ASPHD2: variants seen among roughly 807,000 people sequenced by gnomAD.
ASPHD2 encodes the protein aspartate beta-hydroxylase domain containing 2.
In ASPHD2, 12 loss-of-function variants were observed where a neutral mutation model predicts 34.6. The ratio of observed to expected loss-of-function variants is 0.35; its 90% CI spans 0.22 to 0.56. The LOEUF is 0.56. Among genes scored for constraint, ASPHD2 ranks in the 20% least tolerant of loss-of-function variants. The probability of loss-of-function intolerance (pLI) is 0.87; values close to 1 mark genes in which losing one functional copy is unlikely to be tolerated. For synonymous variants in ASPHD2, 224 were observed against 212.2 expected, an observed-to-expected ratio of 1.06 and a Z score of -0.48; for missense variants, 375 against 505.0, an observed-to-expected ratio of 0.74 and a Z score of 2.47.
At position 26,443,065 on chromosome 22, in the gene ASPHD2, A is replaced by C. The variant is rs760429140; in HGVS notation, c.1001-32A>C. On this transcript the variant is annotated intron_variant, in intron 3 of 3. Transcript: ENST00000215906. Reference sequence around the variant, plus strand: ...TGGGTCCTGACTCCAGGGTGGTTTGAACCTGTCCTCTCACCCCTCCTTCCC... The same window carrying C: ...TGGGTCCTGACTCCAGGGTGGTTTGCACCTGTCCTCTCACCCCTCCTTCCC... 3 of 1,563,020 alleles carry C rather than the reference A, an allele frequency of 1.9e-6. No individual in the cohort carries two copies. In the Admixed American group the frequency reaches 5.0e-5, roughly 26 times the overall value.
chr22:26,433,954 C>G lies in ASPHD2; in HGVS notation c.339C>G (p.Cys113Trp). 6.2e-7 allele frequency: 1 copy of G among 1,613,460 alleles called. No individual in the cohort carries two copies. Among genetic ancestry groups the G allele is most frequent in the Non-Finnish European group, 8.5e-7 (1 of 1,179,992 alleles). The change falls in exon 2 of 4, where the codon TGC (cysteine) becomes TGG (tryptophan). Residue 113 changes from cysteine to tryptophan, a missense_variant. Cys to Trp is a radical substitution (Grantham distance 215). Transcript: ENST00000215906. The surrounding 1 kb of genome is among the most constrained non-coding windows in gnomAD (Gnocchi z 5.1). The stretch of plus-strand genomic sequence containing the variant: ...ACGTGTACTGCCAGTCCCCTGAGTG[C>G]GTGCGCTGCACCCACAACGAGGGCC... ...NGYVYCQSPECVRCTHNEGLN... is the reference protein window; with the variant it reads ...NGYVYCQSPEWVRCTHNEGLN...
In ASPHD2 at chr22:26,433,372, AT is replaced by A. The variant is rs5844702; in HGVS notation, c.-224-10del. ...TTTTCCAGGTGTAAAATTTATGCTG[AT>A]TTTTTTTTTCCATCCCAGGTTTGGT... On this transcript the variant is annotated intron_variant, in intron 1 of 3. Transcript: ENST00000215906. The surrounding 1 kb of genome is among the most constrained non-coding windows in gnomAD (Gnocchi z 5.1). The A allele has an allele frequency of 2.1e-4, 89 of 428,364 alleles. No homozygotes were observed. The highest frequency in any genetic ancestry group is 6.5e-4 in the Middle Eastern group (1 of 1,546). The allele number at this position is 428,364 out of a possible 1,614,324, so 26.5% of individuals were successfully genotyped here.
At chr22:26,442,723 G>A (rs2084859581) in intron 3 of ASPHD2, 151 bp downstream of exon 3, 2 of 617,896 alleles carry the variant, frequency 3.2e-6, no homozygotes, top group South Asian at 2.1e-5. Flanking sequence ...CAGTATTGAT[G>A]CGTTATTATT....
In ASPHD2 at chr22:26,434,092, G is replaced by A. The variant is rs1231999711; in HGVS notation, c.477G>A (p.Arg159=). 2 of 1,612,902 alleles carry A rather than the reference G, an allele frequency of 1.2e-6. No homozygotes were observed. The highest frequency in any genetic ancestry group is 1.7e-6 in the Non-Finnish European group (2 of 1,179,744). ...AGCAGGGCCGGTACCTCAACAGCCGGCCCTCCATCCAGAAGCCCGAGGTCT... is the reference window on the plus strand; with the variant it reads ...AGCAGGGCCGGTACCTCAACAGCCGACCCTCCATCCAGAAGCCCGAGGTCT... ...IREQGRYLNS[R]PSIQKPEVFF... Residue 159 remains arginine, a synonymous_variant, in exon 2 of 4, where the codon CGG becomes CGA. Transcript: ENST00000215906.
At position 26,443,690 on chromosome 22, in the gene ASPHD2, C is replaced by G. The variant is rs1338128667; in HGVS notation, c.*484C>G. 1 of 152,414 alleles carries G rather than the reference C, an allele frequency of 6.6e-6. No individual in the cohort carries two copies. The highest frequency in any genetic ancestry group is 6.5e-5 in the Admixed American group (1 of 15,280). 9.4% of individuals were successfully genotyped at this position (152,414 alleles called of 1,614,324 possible). A position where few individuals can be genotyped will look rare whatever the true frequency, so the allele number is the denominator to read the frequency against. ...GAACTTGGCCTCTGATGCTGGCACA[C>G]TGGGGACCCTTCAGCCACCTGACGG... On this transcript the variant is annotated 3_prime_UTR_variant, in exon 4 of 4. Coordinates refer to ENST00000215906, the MANE Select transcript of ASPHD2 (RefSeq NM_020437.5).
intron 2 of ASPHD2, among the ~76,000 whole-genome samples, chr22:26,435,170 C>T (rs534628713): frequency 6.6e-6 from 1 of 152,312 alleles, no homozygotes; most frequent in East Asian, 1.9e-4. Flanking sequence ...AGTCATTTCA[C>T]CTCTCTGAGC....
rs1342206432 is a variant in ASPHD2, at chr22:26,438,520, T to TATACACATAC, written c.887-3936_887-3935insCACATACATA. On this transcript the variant is annotated intron_variant, in intron 2 of 3. Coordinates refer to ENST00000215906, the MANE Select transcript of ASPHD2 (RefSeq NM_020437.5). Reference sequence around the variant, plus strand: ...ACACATACATATATATACATACATATATATACATACATATATACACATACA... The same window carrying TATACACATAC: ...ACACATACATATATATACATACATATATACACATACATATACATACATATATACACATACA... Among the ~76,000 whole-genome samples the TATACACATAC allele has an allele frequency of 2.6e-3, 387 of 146,722 alleles. 19 individuals carry two copies. The East Asian group carries it at 0.034, about 13-fold the overall frequency.
chr22:26,443,264 T>TGGTCC lies in ASPHD2; in HGVS notation c.*64_*68dup. ...GCCGAGGCGGGGCCTGGGCAGACTGTGGTCCGGTCCAGTCCCTACCGGTGT... is the reference window on the plus strand; with the variant it reads ...GCCGAGGCGGGGCCTGGGCAGACTGTGGTCCGGTCCGGTCCAGTCCCTACCGGTGT... On this transcript the variant is annotated 3_prime_UTR_variant, in exon 4 of 4. Coordinates refer to ENST00000215906, the MANE Select transcript of ASPHD2 (RefSeq NM_020437.5). 1 of 1,435,230 alleles carries TGGTCC rather than the reference T, an allele frequency of 7.0e-7. No individual in the cohort carries two copies. The highest frequency in any genetic ancestry group is 1.4e-5 in the African/African-American group (1 of 71,554). The allele number at this position is 1,435,230 out of a possible 1,614,324, so 88.9% of individuals were successfully genotyped here.
At chr22:26,442,696 T>C (rs997320744) in intron 3 of ASPHD2, 124 bp downstream of exon 3, 1 of 674,640 alleles carries the variant, frequency 1.5e-6, no homozygotes, top group African/African-American at 1.8e-5. Flanking sequence ...TATCACCCCA[T>C]AACACATATA....
chr22:26,438,254 T>C (rs1213985279), intron 2 of ASPHD2, among the ~76,000 whole-genome samples: 1 of 152,126 alleles, frequency 6.6e-6, no homozygotes, highest in Non-Finnish European at 1.5e-5. Flanking sequence ...TCCCTCCATC[T>C]GGGCGTCTTT....
rs1568984122 is a variant in ASPHD2, at chr22:26,438,636, TATATATATAC to T, written c.887-3821_887-3812del. On this transcript the variant is annotated intron_variant, in intron 2 of 3. Coordinates refer to ENST00000215906, the MANE Select transcript of ASPHD2 (RefSeq NM_020437.5). Reference sequence around the variant, plus strand: ...ATATATATACACACATATATATACATATATATATACACATACATATATATATATACACATA... The same window carrying T: ...ATATATATACACACATATATATACATACATACATATATATATATACACATA... Among the ~76,000 whole-genome samples, 4 of 49,330 alleles carry T rather than the reference TATATATATAC, an allele frequency of 8.1e-5. 1 individual carries two copies. Among genetic ancestry groups the T allele is most frequent in the Admixed American group, 1.8e-4 (1 of 5,470 alleles). The allele number at this position is 49,330 out of a possible 152,430, so 32.4% of individuals were successfully genotyped here. A position where few individuals can be genotyped will look rare whatever the true frequency, so the allele number is the denominator to read the frequency against.
At chr22:26,430,334 GAGA>G (rs2084749188) in intron 1 of ASPHD2, among the ~76,000 whole-genome samples, 1 of 152,234 alleles carries the variant, frequency 6.6e-6, no homozygotes, top group African/African-American at 2.4e-5. Context: ...TTCATGGTGT[GAGA>G]AGTTGTCTTG....
chr22:26,432,274 G>A lies in ASPHD2; in HGVS notation c.-224-1118G>A, dbSNP rs112046209. 6.6e-3 allele frequency among the ~76,000 whole-genome samples: 1,001 copies of A among 152,312 alleles called. 16 individuals carry two copies. Among genetic ancestry groups the A allele is most frequent in the Middle Eastern group, 0.024 (7 of 294 alleles). On this transcript the variant is annotated intron_variant, in intron 1 of 3. Coordinates refer to ENST00000215906, the MANE Select transcript of ASPHD2 (RefSeq NM_020437.5). ...CCTCAACTGGGCCCATCTCTAATCT[G>A]GCTTCTCTCTGCTACGATGCTGCAA...
Position 26,434,462 on chromosome 22 carries a change from C to G in ASPHD2, c.847C>G (p.His283Asp), listed in dbSNP as rs1227151167. The G allele has an allele frequency of 6.3e-7, 1 of 1,599,602 alleles. No homozygotes were observed. The highest frequency in any genetic ancestry group is 1.7e-5 in the Admixed American group (1 of 58,502). Residue 283 changes from histidine to aspartate, a missense_variant, in exon 2 of 4, where the codon CAC becomes GAC. His to Asp is a moderately conservative substitution (Grantham distance 81). Transcript: ENST00000215906. ...VLSPGTVITE[H>D]YGPTNIRIRC... The stretch of plus-strand genomic sequence containing the variant: ...GAGCCCTGGGACTGTGATAACGGAG[C>G]ACTATGGACCCACCAACATCCGCAT...
At chr22:26,440,395 A>G (rs992279905) in intron 2 of ASPHD2, among the ~76,000 whole-genome samples, 7 of 151,986 alleles carry the variant, frequency 4.6e-5, no homozygotes, top group African/African-American at 1.7e-4. Flanking sequence ...GCGGTGATGC[A>G]ATCTCGGCTC....
In ASPHD2 at chr22:26,438,488, TAG is replaced by T. The variant is rs1568983857; in HGVS notation, c.887-3969_887-3968del. Among the ~76,000 whole-genome samples, 123 of 46,552 alleles carry T rather than the reference TAG, an allele frequency of 2.6e-3. 7 individuals carry two copies. The South Asian group carries it at 0.05, about 19-fold the overall frequency. 30.5% of individuals were successfully genotyped at this position (46,552 alleles called of 152,430 possible). ...ACACACACATATATATACATATATA[TAG>T]ATACACACATACATATATATACATA... On this transcript the variant is annotated intron_variant, in intron 2 of 3. Coordinates refer to ENST00000215906, the MANE Select transcript of ASPHD2 (RefSeq NM_020437.5).
rs142093449 is a variant in ASPHD2 at position 26,443,155 on chromosome 22, C to T, written c.1059C>T (p.Val353=). Reference sequence around the variant, plus strand: ...TGGTGGATTTGTGGCATCCAAACGTCGCAGCGGCCGAACGGCAGGCTCTTG... The same window carrying T: ...TGGTGGATTTGTGGCATCCAAACGTTGCAGCGGCCGAACGGCAGGCTCTTG... ...VFMVDLWHPN[V]AAAERQALDF... The change falls in exon 4 of 4, where the codon GTC becomes GTT. Residue 353 remains valine, a synonymous_variant. Transcript: ENST00000215906. 1.3e-4 allele frequency: 209 copies of T among 1,614,026 alleles called. No homozygotes were observed. Among genetic ancestry groups the T allele is most frequent in the Non-Finnish European group, 1.7e-4 (201 of 1,180,020 alleles).
rs927774858 is a variant in ASPHD2 at position 26,442,550 on chromosome 22, C to G, written c.978C>G (p.Phe326Leu). 1.6e-5 allele frequency: 25 copies of G among 1,609,828 alleles called. No individual in the cohort carries two copies. The highest frequency in any genetic ancestry group is 2.1e-5 in the Non-Finnish European group (25 of 1,177,634). ...GCTGCCTTCTCTTTGATGACTCTTT[C>G]CTGCATGCTGCGTTCCATGAAGGTG... is the stretch of plus-strand genomic sequence containing the variant. ...EGRCLLFDDS[F>L]LHAAFHEGSA... Residue 326 changes from phenylalanine (F) to leucine (L), a missense_variant, in exon 3 of 4, where the codon TTC becomes TTG. This residue lies in a region of ASPHD2 where 142 missense variants were observed against 217.9 expected (regional missense o/e 0.65). Coordinates refer to ENST00000215906, the MANE Select transcript of ASPHD2 (RefSeq NM_020437.5).
intron 3 of ASPHD2, 88 bp from the exon 4 acceptor site, chr22:26,443,009 G>A: frequency 1.1e-6 from 1 of 941,318 alleles, no homozygotes; most frequent in Admixed American, 1.8e-5. Context: ...CCCCGAAGCT[G>A]AGCACGTAGG....
Sources: allele counts gnomAD v4.1 joint callset (sites outside exome capture counted in the v4.1 genomes callset), GRCh38; gene constraint gnomAD v4.1.1; regional missense constraint gnomAD v4.1.1; non-coding constraint Gnocchi (gnomAD v3.1); transcripts MANE v1.5; gene names NCBI Gene and HGNC (gene_info 2026-07-23, HGNC 2026-07-21).